MEIS1: variants seen among roughly 807,000 people sequenced by gnomAD.
MEIS1 encodes Meis homeobox 1.
A neutral mutation model predicts 50.8 loss-of-function variants in MEIS1; 5 were observed. That is an observed-to-expected ratio of 0.10 (90% confidence interval 0.05 to 0.21). MEIS1 has a LOEUF of 0.21. Ranked by LOEUF, MEIS1 falls within the 10% of genes least tolerant of loss-of-function variation. The probability of loss-of-function intolerance (pLI) is 1.00; values close to 1 mark genes in which losing one functional copy is unlikely to be tolerated. For synonymous variants in MEIS1, 176 were observed against 179.3 expected, an observed-to-expected ratio of 0.98 and a Z score of 0.15; for missense variants, 318 against 517.3, an observed-to-expected ratio of 0.61 and a Z score of 3.74.
chr2:66,515,646 T>G (rs1314785781), intron 8 of MEIS1, among the ~76,000 whole-genome samples: 1 of 152,088 alleles, frequency 6.6e-6, no homozygotes, highest in African/African-American at 2.4e-5. Flanking sequence ...GATTATGGGG[T>G]AAGAAGAAAT....
rs144535968 is a variant in MEIS1, at chr2:66,517,461, C to A, written c.888+5167C>A. ...CCATGTACCCTATCAAAAATTAGCT[C>A]TTTTACATACATAAGAAGAATATTT... On this transcript the variant is annotated intron_variant, in intron 8 of 12. Transcript: ENST00000272369. Among the ~76,000 whole-genome samples, 20 of 152,194 alleles carry A rather than the reference C, an allele frequency of 1.3e-4. 1 individual carries two copies. The South Asian group carries it at 1.7e-3, about 13-fold the overall frequency.
chr2:66,457,474 T>C (rs1296061256), intron 6 of MEIS1, among the ~76,000 whole-genome samples: 2 of 152,146 alleles, frequency 1.3e-5, no homozygotes, highest in Admixed American at 1.3e-4. Context: ...CACAGGTAAA[T>C]GTGTATTGTT....
At chr2:66,568,235 CATTATAAT>C (rs2103974977) in intron 10 of MEIS1, 1 of 162,130 alleles carries the variant, frequency 6.2e-6, no homozygotes, top group African/African-American at 2.4e-5. Flanking sequence ...TTTGTTTTTG[CATTATAAT>C]ATGCCAGTAA....
At chr2:66,522,875 A>T (rs1000197122) in intron 8 of MEIS1, among the ~76,000 whole-genome samples, 1 of 152,216 alleles carries the variant, frequency 6.6e-6, no homozygotes, top group Non-Finnish European at 1.5e-5. Flanking sequence ...TAAAGAAACC[A>T]CAGCAGAGCT....
chr2:66,483,091 G>A (rs190765101), intron 7 of MEIS1, among the ~76,000 whole-genome samples: 38 of 152,198 alleles, frequency 2.5e-4, no homozygotes, highest in African/African-American at 9.1e-4. Flanking sequence ...CCTGGCAATG[G>A]TAAGCATTAT....
intron 8 of MEIS1, among the ~76,000 whole-genome samples, chr2:66,522,766 A>C (rs941959070): frequency 6.6e-6 from 1 of 152,238 alleles, no homozygotes; most frequent in African/African-American, 2.4e-5. Context: ...GGAGAAAAAA[A>C]TAGATTATTA....
At chr2:66,482,782 T>C (rs1673048624) in intron 7 of MEIS1, among the ~76,000 whole-genome samples, 2 of 152,306 alleles carry the variant, frequency 1.3e-5, no homozygotes, top group South Asian at 4.1e-4. Flanking sequence ...AACACACATA[T>C]TTCCCAATGT....
At chr2:66,516,706 G>A (rs555399467) in intron 8 of MEIS1, among the ~76,000 whole-genome samples, 9 of 152,080 alleles carry the variant, frequency 5.9e-5, no homozygotes, top group African/African-American at 1.9e-4. Flanking sequence ...TGAGAATAGC[G>A]TTTCCATAGT....
intron 8 of MEIS1, among the ~76,000 whole-genome samples, chr2:66,519,462 A>T (rs182098213): frequency 6.6e-6 from 1 of 151,854 alleles, no homozygotes; most frequent in East Asian, 2.0e-4. Flanking sequence ...CTTGATAGTC[A>T]CTTCAGTGTG....
At chr2:66,566,075 C>T (rs964403641) in intron 9 of MEIS1, among the ~76,000 whole-genome samples, 3 of 152,026 alleles carry the variant, frequency 2.0e-5, no homozygotes, top group East Asian at 1.9e-4. Context: ...TGTTGTAGAC[C>T]TGTGTTTTAA....
In MEIS1 at chr2:66,530,715, CAA is replaced by C. The variant is rs5831815; in HGVS notation, c.889-17217_889-17216del. Reference sequence around the variant, plus strand: ...TGGGTGACAGAGCAAGACTCCAACTCAAAAAAAAAAAATTAGTACCATGGGGA... The same window carrying C: ...TGGGTGACAGAGCAAGACTCCAACTCAAAAAAAAAATTAGTACCATGGGGA... On this transcript the variant is annotated intron_variant, in intron 8 of 12. Coordinates refer to ENST00000272369, the MANE Select transcript of MEIS1 (RefSeq NM_002398.3). Among the ~76,000 whole-genome samples the C allele has an allele frequency of 3.9e-4, 58 of 148,764 alleles. No homozygotes were observed. The East Asian group carries it at 6.4e-3, about 16-fold the overall frequency.
chr2:66,540,356 T>C (rs1355577617), intron 8 of MEIS1, among the ~76,000 whole-genome samples: 1 of 152,224 alleles, frequency 6.6e-6, no homozygotes, highest in African/African-American at 2.4e-5. Context: ...TTGCACAGGC[T>C]GGAGTGCAGT....
chr2:66,496,116 A>G (rs1458254182), intron 7 of MEIS1: 3 of 152,566 alleles, frequency 2.0e-5, no homozygotes, highest in African/African-American at 7.2e-5. Flanking sequence ...TGGAGAGAAG[A>G]CTAGATCCAG....
At position 66,512,196 on chromosome 2, in the gene MEIS1, G is replaced by C; in HGVS notation, c.790G>C (p.Asp264His). 1 of 1,610,842 alleles carries C rather than the reference G, an allele frequency of 6.2e-7. No individual in the cohort carries two copies. The highest frequency in any genetic ancestry group is 8.5e-7 in the Non-Finnish European group (1 of 1,178,180). ...SVASPSTGDD[D>H]DPDKDKKRHK... ...AGCTTCCCCCAGCACAGGTGACGAT[G>C]ATGACCCTGATAAGGACAAAAAGCG... The change falls in exon 8 of 13, where the codon GAT becomes CAT. Residue 264 changes from aspartate to histidine, a missense_variant. Physicochemically the swap from Asp to His is moderately conservative, Grantham distance 81 (BLOSUM62 -1). Around this residue, in one of 6 missense-constraint regions of MEIS1, gnomAD observed 40 missense variants for 102.8 expected, o/e 0.39. Transcript: ENST00000272369.
chr2:66,506,566 T>C (rs1383827183), intron 7 of MEIS1, among the ~76,000 whole-genome samples: 1 of 152,152 alleles, frequency 6.6e-6, no homozygotes, highest in Non-Finnish European at 1.5e-5. Context: ...CTAAGAAGTA[T>C]AACCTTTATT....
At position 66,571,558 on chromosome 2, in the gene MEIS1, G is replaced by A. The variant is rs1675488514; in HGVS notation, c.*350G>A. ...AAGGGAATATGCATTGTCTGCAATG[G>A]TGACTGATTTCAAATCATGTTTTTT... On this transcript the variant is annotated 3_prime_UTR_variant, in exon 13 of 13. Coordinates refer to ENST00000272369, the MANE Select transcript of MEIS1 (RefSeq NM_002398.3). The A allele has an allele frequency of 6.4e-7, 1 of 1,550,928 alleles. No individual in the cohort carries two copies. Among genetic ancestry groups the A allele is most frequent in the Non-Finnish European group, 8.7e-7 (1 of 1,147,326 alleles).
At chr2:66,562,838 A>G (rs1363241234) in intron 9 of MEIS1, among the ~76,000 whole-genome samples, 1 of 152,188 alleles carries the variant, frequency 6.6e-6, no homozygotes, top group African/African-American at 2.4e-5. Flanking sequence ...CACCACCTGC[A>G]GGGAGTCCAA....
intron 8 of MEIS1, among the ~76,000 whole-genome samples, chr2:66,534,559 GT>G (rs11367217): frequency 0.61 from 92,025 of 151,574 alleles, 28,362 homozygotes; most frequent in East Asian, 0.81. Flanking sequence ...CTTTTAAAAT[GT>G]TTTCCTTTAG....
At chr2:66,485,494 C>T (rs1673121014) in intron 7 of MEIS1, among the ~76,000 whole-genome samples, 1 of 151,730 alleles carries the variant, frequency 6.6e-6, no homozygotes, top group African/African-American at 2.4e-5. Flanking sequence ...TTTCTTTATC[C>T]TACATTGATG....
Sources: allele counts gnomAD v4.1 joint callset (sites outside exome capture counted in the v4.1 genomes callset), GRCh38; gene constraint gnomAD v4.1.1; regional missense constraint gnomAD v4.1.1; transcripts MANE v1.5; gene names NCBI Gene and HGNC (gene_info 2026-07-23, HGNC 2026-07-21).